Variants in CACNG2 observed in about 807,000 individuals in gnomAD.
CACNG2 encodes the protein voltage-dependent calcium channel gamma-2 subunit.
A neutral mutation model predicts 25.9 loss-of-function variants in CACNG2; 3 were observed. The ratio of observed to expected loss-of-function variants is 0.12; its 90% confidence interval spans 0.05 to 0.30. The LOEUF is 0.30. Among genes scored for constraint, CACNG2 ranks in the 10% least tolerant of loss-of-function variants. CACNG2 has a pLI of 1.00. For missense variants in CACNG2, 341 were observed against 432.5 expected (o/e 0.79, Z 1.88); for synonymous variants, 167 against 173.3 (o/e 0.96, Z 0.29).
chr22:36,673,223 C>A (rs1936976495), intron 1 of CACNG2, among the ~76,000 whole-genome samples: 1 of 152,066 alleles, frequency 6.6e-6, no homozygotes, highest in African/African-American at 2.4e-5. Flanking sequence ...GAGACCCTGT[C>A]TCCAAATATA....
chr22:36,588,172 G>C (rs1317066705), intron 1 of CACNG2, among the ~76,000 whole-genome samples: 1 of 152,220 alleles, frequency 6.6e-6, no homozygotes, highest in Non-Finnish European at 1.5e-5. Context: ...TCCACCACAG[G>C]CCTGTGAGGG....
intron 1 of CACNG2, among the ~76,000 whole-genome samples, chr22:36,635,279 G>A (rs1363205853): frequency 3.2e-4 from 43 of 134,802 alleles, no homozygotes; most frequent in African/African-American, 7.0e-4. Flanking sequence ...GCGAGACCCC[G>A]TCTCAAAAAA....
At chr22:36,632,698 G>T (rs566861365) in intron 1 of CACNG2, among the ~76,000 whole-genome samples, 1 of 151,814 alleles carries the variant, frequency 6.6e-6, no homozygotes, top group African/African-American at 2.4e-5. Flanking sequence ...ACTTGCCTTC[G>T]GGCACCCCCT....
chr22:36,688,674 T>C (rs544797034), intron 1 of CACNG2, among the ~76,000 whole-genome samples: 1 of 152,148 alleles, frequency 6.6e-6, no homozygotes, highest in Admixed American at 6.5e-5. Flanking sequence ...ATCCTCATGG[T>C]AGAGGCAAAG....
At chr22:36,569,403 G>A (rs957503759) in intron 2 of CACNG2, among the ~76,000 whole-genome samples, 3 of 152,210 alleles carry the variant, frequency 2.0e-5, no homozygotes, top group Non-Finnish European at 4.4e-5. Flanking sequence ...AGCCCAGGAA[G>A]GGTGAGTGCC....
At chr22:36,674,346 T>C (rs1284161038) in intron 1 of CACNG2, among the ~76,000 whole-genome samples, 1 of 152,210 alleles carries the variant, frequency 6.6e-6, no homozygotes, top group Non-Finnish European at 1.5e-5. Flanking sequence ...GCTTTTTTTT[T>C]GAGACGGAGT....
chr22:36,624,488 G>T (rs563973913), intron 1 of CACNG2, among the ~76,000 whole-genome samples: 8 of 152,268 alleles, frequency 5.3e-5, no homozygotes, highest in Admixed American at 3.3e-4. Context: ...TTGAACCCAG[G>T]TCTGTCTGCC....
chr22:36,617,460 C>T lies in CACNG2; in HGVS notation c.212-29912G>A, dbSNP rs1197928877. On this transcript the variant is annotated intron_variant, in intron 1 of 3. Transcript: ENST00000300105. ...AAGTATACCAGCTTTTGGAGGCAGA[C>T]AGATCTGGTGTAAACCTTGGCTTTG... is the stretch of plus-strand genomic sequence containing the variant. Among the ~76,000 whole-genome samples the T allele has an allele frequency of 2.0e-5, 3 of 151,916 alleles. No individual in the cohort carries two copies. In the East Asian group the frequency reaches 5.8e-4, roughly 29 times the overall value.
intron 1 of CACNG2, among the ~76,000 whole-genome samples, chr22:36,623,826 T>C (rs1936143846): frequency 6.6e-6 from 1 of 152,216 alleles, no homozygotes; most frequent in African/African-American, 2.4e-5. Context: ...CAAAATTTCA[T>C]TGAGTCCTCT....
intron 1 of CACNG2, among the ~76,000 whole-genome samples, chr22:36,650,231 G>A (rs1936587716): frequency 6.6e-6 from 1 of 152,194 alleles, no homozygotes; most frequent in Admixed American, 6.5e-5. Context: ...CTTACTCAGA[G>A]TCAAGGCTAA....
At chr22:36,693,709 C>T (rs368506360) in intron 1 of CACNG2, among the ~76,000 whole-genome samples, 50 of 152,190 alleles carry the variant, frequency 3.3e-4, no homozygotes, top group Non-Finnish European at 2.6e-4. Flanking sequence ...CAATGCCCAA[C>T]ATATGGGCAT....
chr22:36,605,895 A>C (rs1268635172), intron 1 of CACNG2, among the ~76,000 whole-genome samples: 3 of 152,204 alleles, frequency 2.0e-5, no homozygotes, highest in Admixed American at 6.5e-5. Flanking sequence ...AGGATGGTTC[A>C]AATGACTCTG....
intron 2 of CACNG2, among the ~76,000 whole-genome samples, chr22:36,580,242 C>T (rs1935390718): frequency 6.6e-6 from 1 of 152,006 alleles, no homozygotes; most frequent in Non-Finnish European, 1.5e-5. Context: ...CCACTGGTGT[C>T]CAAGTTCTGT....
intron 1 of CACNG2, 82 bp downstream of exon 1, chr22:36,702,284 C>G: frequency 1.3e-6 from 1 of 785,770 alleles, no homozygotes. Context: ...GTAAAGGGGA[C>G]TTATTTGGAG....
intron 1 of CACNG2, among the ~76,000 whole-genome samples, chr22:36,627,552 C>T (rs889357359): frequency 6.6e-6 from 1 of 152,110 alleles, no homozygotes; most frequent in Admixed American, 6.5e-5. Context: ...TTTACATTCT[C>T]AGGCTTAGCT....
intron 1 of CACNG2, among the ~76,000 whole-genome samples, chr22:36,613,196 G>A (rs1048528173): frequency 4.0e-5 from 6 of 151,712 alleles, no homozygotes; most frequent in African/African-American, 1.5e-4. Flanking sequence ...GTGTGCATGT[G>A]TGTCTTTCAT....
chr22:36,633,560 C>G (rs1352328193), intron 1 of CACNG2, among the ~76,000 whole-genome samples: 1 of 152,234 alleles, frequency 6.6e-6, no homozygotes, highest in Non-Finnish European at 1.5e-5. Context: ...ATGTCCTAGA[C>G]TTCCTAAAAA....
intron 2 of CACNG2, among the ~76,000 whole-genome samples, chr22:36,586,061 C>T (rs1461153025): frequency 6.6e-6 from 1 of 152,252 alleles, no homozygotes; most frequent in Non-Finnish European, 1.5e-5. Flanking sequence ...CAGTGTGGGG[C>T]TTGGCTTTGC....
At chr22:36,593,812 C>A (rs1158301426) in intron 1 of CACNG2, among the ~76,000 whole-genome samples, 1 of 151,786 alleles carries the variant, frequency 6.6e-6, no homozygotes, top group South Asian at 2.1e-4. Context: ...AGCACAGGGT[C>A]TCCAGGAGCA....
Sources: gnomAD v4.1 joint callset for allele counts (sites outside exome capture counted in the v4.1 genomes callset) on GRCh38, gnomAD v4.1.1 for gene constraint, MANE v1.5 for transcripts, NCBI Gene and HGNC (gene_info 2026-07-23, HGNC 2026-07-21) for gene names.